Variants in CSTPP1 observed in about 807,000 individuals in gnomAD.
The protein encoded by CSTPP1 is UPF0705 protein C11orf49.
chr11:47,005,236 G>C, the CSTPP1 span, among the ~76,000 whole-genome samples: 1 of 152,116 alleles, frequency 6.6e-6, no homozygotes, highest in Admixed American at 6.5e-5. Flanking sequence ...TAGAATCTTA[G>C]ACCATGTAAG....
the CSTPP1 span, among the ~76,000 whole-genome samples, chr11:47,110,350 A>T: frequency 6.6e-6 from 1 of 152,216 alleles, no homozygotes; most frequent in South Asian, 2.1e-4. Flanking sequence ...TCTAAAGCAA[A>T]TATCCATGGT....
chr11:46,949,733 T>C, the CSTPP1 span, among the ~76,000 whole-genome samples: 2 of 150,432 alleles, frequency 1.3e-5, no homozygotes, highest in African/African-American at 4.9e-5. Flanking sequence ...AATGGCACAA[T>C]CTCAGCTCAC....
the CSTPP1 span, among the ~76,000 whole-genome samples, chr11:47,094,566 C>T: frequency 6.6e-6 from 1 of 151,930 alleles, no homozygotes; most frequent in Non-Finnish European, 1.5e-5. Flanking sequence ...CCATTTTATG[C>T]ATATATCCAA....
the CSTPP1 span, among the ~76,000 whole-genome samples, chr11:47,010,917 G>A: frequency 6.6e-6 from 1 of 152,122 alleles, no homozygotes; most frequent in Non-Finnish European, 1.5e-5. Context: ...TAGAGAAGAT[G>A]TATTACTAAG....
chr11:46,943,465 G>C, the CSTPP1 span, among the ~76,000 whole-genome samples: 1 of 152,182 alleles, frequency 6.6e-6, no homozygotes, highest in African/African-American at 2.4e-5. Context: ...GTGGATCCTG[G>C]AGTAAGGTCA....
At chr11:47,083,154 G>A in the CSTPP1 span, among the ~76,000 whole-genome samples, 4 of 151,882 alleles carry the variant, frequency 2.6e-5, no homozygotes, top group East Asian at 1.9e-4. Flanking sequence ...CTGTTCCTGC[G>A]TTAGTTTGCT....
At chr11:47,117,585 G>T in the CSTPP1 span, among the ~76,000 whole-genome samples, 1 of 152,042 alleles carries the variant, frequency 6.6e-6, no homozygotes, top group South Asian at 2.1e-4. Flanking sequence ...TTTCAACCTT[G>T]GGGAATCTGA....
the CSTPP1 span, among the ~76,000 whole-genome samples, chr11:47,059,189 G>A: frequency 2.0e-5 from 3 of 152,324 alleles, no homozygotes; most frequent in South Asian, 4.1e-4. Flanking sequence ...ACCAGGTCCT[G>A]TTGGGGGGCT....
At chr11:46,991,202 T>G in the CSTPP1 span, among the ~76,000 whole-genome samples, 1 of 151,768 alleles carries the variant, frequency 6.6e-6, no homozygotes, top group East Asian at 1.9e-4. Context: ...CATAGTTTTT[T>G]TTTTTTTTTT....
At chr11:47,075,594 AGGGTTCAAGAATTGGAGGT>A in the CSTPP1 span, among the ~76,000 whole-genome samples, 34 of 152,060 alleles carry the variant, frequency 2.2e-4, no homozygotes, top group Non-Finnish European at 4.0e-4. Flanking sequence ...GAGGCCTAAA[AGGGTTCAAGAATTGGAGGT>A]GGGTTCAAGA....
the CSTPP1 span, among the ~76,000 whole-genome samples, chr11:46,964,084 AT>A: frequency 6.6e-6 from 1 of 152,032 alleles, no homozygotes; most frequent in Non-Finnish European, 1.5e-5. Flanking sequence ...CTTTCTCTTT[AT>A]TTCTATCAGA....
the CSTPP1 span, chr11:46,987,605 A>G: frequency 3.8e-6 from 1 of 264,430 alleles, no homozygotes; most frequent in Non-Finnish European, 7.2e-6. Flanking sequence ...TTTATTCAAA[A>G]TATTCACTTT....
chr11:46,957,477 A>C, the CSTPP1 span, among the ~76,000 whole-genome samples: 2 of 152,170 alleles, frequency 1.3e-5, no homozygotes, highest in African/African-American at 4.8e-5. Flanking sequence ...GATACATATA[A>C]AATTCTGTGT....
the CSTPP1 span, among the ~76,000 whole-genome samples, chr11:47,086,245 A>C: frequency 6.8e-6 from 1 of 147,804 alleles, no homozygotes; most frequent in Non-Finnish European, 1.5e-5. Flanking sequence ...AAAAAAAAAA[A>C]AAAAAAAAAA....
the CSTPP1 span, chr11:47,052,698 C>CT: frequency 1.3e-6 from 1 of 774,278 alleles, no homozygotes; most frequent in South Asian, 2.0e-5. Context: ...GAATACCTCA[C>CT]TTTTGAGGAG....
At chr11:47,116,209 A>T in the CSTPP1 span, among the ~76,000 whole-genome samples, 1 of 152,114 alleles carries the variant, frequency 6.6e-6, no homozygotes, top group Non-Finnish European at 1.5e-5. Context: ...GTTCTTTTAC[A>T]TTTGCTGAGG....
chr11:47,067,591 C>A, the CSTPP1 span, among the ~76,000 whole-genome samples: 1 of 152,190 alleles, frequency 6.6e-6, no homozygotes, highest in African/African-American at 2.4e-5. Context: ...GAGGAGATAC[C>A]AGAGAGCTGC....
chr11:47,103,280 G>A, the CSTPP1 span, among the ~76,000 whole-genome samples: 6 of 151,920 alleles, frequency 3.9e-5, no homozygotes, highest in South Asian at 1.0e-3. Context: ...CATACCTGTA[G>A]TTCCAGCTAC....
the CSTPP1 span, among the ~76,000 whole-genome samples, chr11:47,082,838 G>T: frequency 6.6e-6 from 1 of 151,886 alleles, no homozygotes; most frequent in East Asian, 1.9e-4. Flanking sequence ...CAATATATGG[G>T]CTTCTGTATT....
Sources: gnomAD v4.1 joint callset for allele counts (sites outside exome capture counted in the v4.1 genomes callset) on GRCh38, gnomAD v4.1.1 for gene constraint, MANE v1.5 for transcripts, NCBI Gene and HGNC (gene_info 2026-07-23, HGNC 2026-07-21) for gene names.